SLCO1B3: variants seen among roughly 807,000 people sequenced by gnomAD.
SLCO1B3 encodes the protein solute carrier organic anion transporter family member 1B3.
SLCO1B3 carries 72 observed loss-of-function variants against 71.8 expected under a neutral mutation model. That is an observed-to-expected ratio of 1.00 (90% confidence interval 0.83 to 1.22). SLCO1B3 has a LOEUF of 1.22. Among genes scored for constraint, SLCO1B3 ranks in the 50% most tolerant of loss-of-function variants. The pLI is 0.00. For missense variants in SLCO1B3, 911 were observed against 819.7 expected, an observed-to-expected ratio of 1.11 and a Z score of -1.36; for synonymous variants, 298 against 278.4, an observed-to-expected ratio of 1.07 and a Z score of -0.70.
At chr12:20,816,562 T>A (rs1300523485) in intron 3 of SLCO1B3, among the ~76,000 whole-genome samples, 1 of 152,232 alleles carries the variant, frequency 6.6e-6, no homozygotes, top group Admixed American at 6.5e-5. Flanking sequence ...AGTACTCCAT[T>A]GTGTATATGT....
At chr12:20,891,290 A>C (rs1440751102) in intron 13 of SLCO1B3, among the ~76,000 whole-genome samples, 1 of 151,326 alleles carries the variant, frequency 6.6e-6, no homozygotes, top group Non-Finnish European at 1.5e-5. Flanking sequence ...TTAGTTGAGC[A>C]GTATACAAAA....
At chr12:20,897,294 T>C (rs974446547) in intron 13 of SLCO1B3, among the ~76,000 whole-genome samples, 2 of 152,222 alleles carry the variant, frequency 1.3e-5, no homozygotes, top group Admixed American at 1.3e-4. Flanking sequence ...AGTTTTTGTC[T>C]TTTAAAATTT....
At chr12:20,891,292 T>G (rs1368223455) in intron 13 of SLCO1B3, among the ~76,000 whole-genome samples, 1 of 151,122 alleles carries the variant, frequency 6.6e-6, no homozygotes, top group Non-Finnish European at 1.5e-5. Flanking sequence ...AGTTGAGCAG[T>G]ATACAAAATT....
intron 5 of SLCO1B3, 144 bp from the exon 6 acceptor site, chr12:20,860,873 C>T: frequency 3.7e-6 from 3 of 806,672 alleles, no homozygotes; most frequent in Non-Finnish European, 3.8e-6. Context: ...TTCTGAAATA[C>T]ATGCTGGGAA....
chr12:20,822,746 T>C (rs1864341910), intron 3 of SLCO1B3, among the ~76,000 whole-genome samples: 1 of 141,022 alleles, frequency 7.1e-6, no homozygotes, highest in African/African-American at 2.5e-5. Context: ...AAGGTGAACA[T>C]AGACTAGCTA....
chr12:20,893,342 G>C (rs182044780), intron 13 of SLCO1B3, among the ~76,000 whole-genome samples: 1 of 152,158 alleles, frequency 6.6e-6, no homozygotes, highest in Non-Finnish European at 1.5e-5. Flanking sequence ...TCACAAAAAT[G>C]ACAGGGAGTT....
intron 14 of SLCO1B3, among the ~76,000 whole-genome samples, chr12:20,899,045 A>G (rs1462967940): frequency 6.6e-6 from 1 of 152,222 alleles, no homozygotes; most frequent in African/African-American, 2.4e-5. Flanking sequence ...CTCTAGAACT[A>G]GGCTTGTTGG....
Position 20,877,910 on chromosome 12 carries a change from C to T in SLCO1B3, c.1109C>T (p.Ser370Phe). The change falls in exon 10 of 16, where the codon TCT becomes TTT. Residue 370 changes from serine (S) to phenylalanine (F), a missense_variant. Ser to Phe is a radical substitution (Grantham distance 155). Coordinates refer to ENST00000381545, the MANE Select transcript of SLCO1B3 (RefSeq NM_019844.4). ...TATATGGAGCAACAGTACGGTCAGT[C>T]TGCATCTCATGCTAACTTTTTGTTG... ...FKYMEQQYGQSASHANFLLGI... is the reference protein window; with the variant it reads ...FKYMEQQYGQFASHANFLLGI... The T allele has an allele frequency of 1.3e-6, 2 of 1,590,178 alleles. No homozygotes were observed. The highest frequency in any genetic ancestry group is 2.7e-5 in the African/African-American group (2 of 73,406).
chr12:20,876,992 G>A (rs373791119), intron 9 of SLCO1B3, among the ~76,000 whole-genome samples: 1 of 151,920 alleles, frequency 6.6e-6, no homozygotes, highest in African/African-American at 2.4e-5. Flanking sequence ...TGCCATACCC[G>A]GCTAATTTTT....
rs536840499 is a variant in SLCO1B3, at chr12:20,883,535, G to C, written c.1615G>C (p.Ala539Pro). ...TACAAGGAAATTTTTCATCTATGTTGCAATTCAAGTCATAAACTCTTTGTT... is the reference window on the plus strand; with the variant it reads ...TACAAGGAAATTTTTCATCTATGTTCCAATTCAAGTCATAAACTCTTTGTT... ...TCTRKFFIYV[A>P]IQVINSLFSA... Residue 539 changes from alanine (A) to proline (P), a missense_variant, in exon 13 of 16, where the codon GCA (alanine) becomes CCA (proline). Ala to Pro is a conservative substitution (Grantham distance 27, BLOSUM62 -1). Transcript: ENST00000381545. 2.1e-5 allele frequency: 34 copies of C among 1,604,864 alleles called. No individual in the cohort carries two copies. The Middle Eastern group carries it at 6.6e-4, about 31-fold the overall frequency.
intron 15 of SLCO1B3, among the ~76,000 whole-genome samples, chr12:20,904,497 G>A (rs1424998219): frequency 1.3e-5 from 2 of 152,012 alleles, no homozygotes; most frequent in Non-Finnish European, 2.9e-5. Context: ...GGCTCTGCAG[G>A]TACAGTCCCC....
At chr12:20,902,604 A>G (rs1352408028) in intron 15 of SLCO1B3, among the ~76,000 whole-genome samples, 1 of 152,192 alleles carries the variant, frequency 6.6e-6, no homozygotes, top group Non-Finnish European at 1.5e-5. Context: ...GTAAGTGACT[A>G]TGCTTATTTA....
chr12:20,812,389 G>T (rs2121058664), intron 1 of SLCO1B3, among the ~76,000 whole-genome samples: 1 of 88,928 alleles, frequency 1.1e-5, no homozygotes. Flanking sequence ...GGTACAGAAG[G>T]ATGAGAGGAT....
At chr12:20,888,158 G>T (rs1489748331) in intron 13 of SLCO1B3, among the ~76,000 whole-genome samples, 1 of 151,898 alleles carries the variant, frequency 6.6e-6, no homozygotes, top group Admixed American at 6.6e-5. Flanking sequence ...CAGGTAATGT[G>T]ATACCTTCAG....
chr12:20,902,020 A>G (rs1443139989), intron 15 of SLCO1B3: 3 of 328,678 alleles, frequency 9.1e-6, no homozygotes, highest in African/African-American at 4.6e-5. Context: ...ATTGATCAAT[A>G]TATAAATTTG....
intron 13 of SLCO1B3, among the ~76,000 whole-genome samples, chr12:20,889,915 ATTT>A (rs36117594): frequency 3.4e-5 from 5 of 145,084 alleles, no homozygotes; most frequent in Non-Finnish European, 6.1e-5. Context: ...CATTTTCTTA[ATTT>A]TTTTTTTTTT....
intron 15 of SLCO1B3, among the ~76,000 whole-genome samples, chr12:20,904,009 G>A (rs932493023): frequency 1.2e-4 from 18 of 152,230 alleles, no homozygotes; most frequent in African/African-American, 4.1e-4. Context: ...GGAGGCCAAG[G>A]TGGGTGGATC....
chr12:20,916,026 A>G lies in SLCO1B3; in HGVS notation c.1888A>G (p.Ile630Val), dbSNP rs756425274. 4 of 1,608,476 alleles carry G rather than the reference A, an allele frequency of 2.5e-6. No individual in the cohort carries two copies. The highest frequency in any genetic ancestry group is 1.1e-5 in the South Asian group (1 of 90,868). ...CAGAAGGGTCTACTTGGGCTTATCT[A>G]TAGCTTTAAGATTCCCAGCACTTGT... The part of the protein sequence containing the change: ...FFGRVYLGLS[I>V]ALRFPALVLY... Residue 630 changes from isoleucine to valine, a missense_variant, in exon 16 of 16, where the codon ATA (isoleucine) becomes GTA (valine). Ile to Val is a conservative substitution (Grantham distance 29). Transcript: ENST00000381545.
At chr12:20,871,523 G>A (rs1865474354) in intron 8 of SLCO1B3, among the ~76,000 whole-genome samples, 1 of 152,146 alleles carries the variant, frequency 6.6e-6, no homozygotes, top group East Asian at 1.9e-4. Flanking sequence ...AGTCTTTGTT[G>A]TCTGGGTTTG....
Sources: gnomAD v4.1 joint callset for allele counts (sites outside exome capture counted in the v4.1 genomes callset) on GRCh38, gnomAD v4.1.1 for gene constraint, MANE v1.5 for transcripts, NCBI Gene and HGNC (gene_info 2026-07-23, HGNC 2026-07-21) for gene names.